The following DAAM1 variants were observed in gnomAD, a reference collection of about 807,000 sequenced individuals.
The protein encoded by DAAM1 is dishevelled associated activator of morphogenesis 1, also known as disheveled-associated activator of morphogenesis 1.
In DAAM1, 52 loss-of-function variants were observed where a neutral mutation model predicts 130.0. That is an observed-to-expected ratio of 0.40 (90% confidence interval 0.32 to 0.50). The LOEUF is 0.50. Among genes scored for constraint, DAAM1 ranks in the 20% least tolerant of loss-of-function variants. The pLI is 0.61. For missense variants in DAAM1, 1,134 were observed against 1,303.8 expected, an observed-to-expected ratio of 0.87 and a Z score of 2.01; for synonymous variants, 452 against 444.5, an observed-to-expected ratio of 1.02 and a Z score of -0.21.
At chr14:59,360,888 A>T in intron 22 of DAAM1, 26 bp downstream of exon 22, 2 of 1,609,640 alleles carry the variant, frequency 1.2e-6, no homozygotes, top group Non-Finnish European at 1.7e-6. Context: ...TTGTTGTTCT[A>T]ATTCCTGGTC....
chr14:59,198,406 A>C (rs531853983), intron 1 of DAAM1, among the ~76,000 whole-genome samples: 1 of 151,934 alleles, frequency 6.6e-6, no homozygotes, highest in Non-Finnish European at 1.5e-5. Flanking sequence ...GGGTTTCAAC[A>C]TATTGGTCAG....
chr14:59,201,160 CAAA>C (rs71111617), intron 1 of DAAM1, among the ~76,000 whole-genome samples: 7 of 68,844 alleles, frequency 1.0e-4, no homozygotes, highest in Non-Finnish European at 1.6e-4. Flanking sequence ...GACTCCGTCT[CAAA>C]AAAAAAAAAA....
At chr14:59,319,421 A>T (rs1884917244) in intron 4 of DAAM1, among the ~76,000 whole-genome samples, 1 of 152,210 alleles carries the variant, frequency 6.6e-6, no homozygotes, top group Non-Finnish European at 1.5e-5. Context: ...TTGATGAGTT[A>T]TGGTCCTGAA....
rs1594842739 is a variant in DAAM1, at chr14:59,350,316, T to C, written c.2161-2210T>C. 2.6e-5 allele frequency among the ~76,000 whole-genome samples: 4 copies of C among 152,024 alleles called. No homozygotes were observed. The East Asian group carries it at 7.7e-4, about 29-fold the overall frequency. On this transcript the variant is annotated intron_variant, in intron 17 of 24. Transcript: ENST00000360909. ...CTTCTCTATATCTGCAACCTCGCCC[T>C]CTCTACTCTTAGCTCATTCAAGTGT...
At chr14:59,343,397 T>C (rs1379309053) in intron 16 of DAAM1, among the ~76,000 whole-genome samples, 1 of 152,182 alleles carries the variant, frequency 6.6e-6, no homozygotes, top group Non-Finnish European at 1.5e-5. Context: ...ATTTTATGCT[T>C]GGGGACAATG....
intron 1 of DAAM1, among the ~76,000 whole-genome samples, chr14:59,195,582 C>T (rs1338885009): frequency 6.6e-6 from 1 of 152,152 alleles, no homozygotes; most frequent in Non-Finnish European, 1.5e-5. Context: ...ACCTATTAAA[C>T]TGGTCTTTGT....
At chr14:59,209,410 G>A (rs997272189) in intron 1 of DAAM1, among the ~76,000 whole-genome samples, 7 of 152,108 alleles carry the variant, frequency 4.6e-5, no homozygotes, top group African/African-American at 7.2e-5. Flanking sequence ...CAAAAGGTGC[G>A]TAATTTTCGT....
rs1335005196 is a variant in DAAM1 at position 59,331,838 on chromosome 14, C to T, written c.1886C>T (p.Thr629Ile). The T allele has an allele frequency of 6.2e-7, 1 of 1,613,880 alleles. No homozygotes were observed. Among genetic ancestry groups the T allele is most frequent in the Non-Finnish European group, 8.5e-7 (1 of 1,179,984 alleles). The change falls in exon 15 of 25, where the codon ACC becomes ATC. Residue 629 changes from threonine to isoleucine, a missense_variant. Around this residue, in one of 3 missense-constraint regions of DAAM1, gnomAD observed 644 missense variants for 695.9 expected, o/e 0.93. Transcript: ENST00000360909. ...PENKLEGTVW[T>I]EIDDTKVFKI... ...AACAAACTGGAAGGAACAGTATGGA[C>T]CGAAATTGATGATACAAAAGTCTTC... is the stretch of plus-strand genomic sequence containing the variant.
chr14:59,202,092 T>C lies in DAAM1; in HGVS notation c.-38+13324T>C, dbSNP rs569346291. 5.3e-5 allele frequency among the ~76,000 whole-genome samples: 8 copies of C among 152,314 alleles called. No individual in the cohort carries two copies. The South Asian group carries it at 1.7e-3, about 32-fold the overall frequency. On this transcript the variant is annotated intron_variant, in intron 1 of 24. Coordinates refer to ENST00000360909, the MANE Select transcript of DAAM1 (RefSeq NM_001270520.2). Reference sequence around the variant, plus strand: ...ACCATGAGCATCCTTGAGATAAAAATTCAGCGGGAGAGTAGTAGTAAATGC... The same window carrying C: ...ACCATGAGCATCCTTGAGATAAAAACTCAGCGGGAGAGTAGTAGTAAATGC...
chr14:59,345,191 C>T (rs1305763654), intron 16 of DAAM1, among the ~76,000 whole-genome samples: 2 of 152,148 alleles, frequency 1.3e-5, no homozygotes, highest in East Asian at 3.9e-4. Context: ...ATACTTTACC[C>T]ATGCCAACTT....
intron 1 of DAAM1, among the ~76,000 whole-genome samples, chr14:59,263,222 C>T (rs1882259817): frequency 1.3e-5 from 2 of 152,154 alleles, no homozygotes; most frequent in African/African-American, 2.4e-5. Flanking sequence ...GTCCTGTTTG[C>T]TCAGCAGTTA....
chr14:59,258,809 A>G (rs1479473748), intron 1 of DAAM1, among the ~76,000 whole-genome samples: 1 of 152,196 alleles, frequency 6.6e-6, no homozygotes, highest in African/African-American at 2.4e-5. Context: ...GGATCCATGG[A>G]GGAGCCAGCA....
intron 1 of DAAM1, among the ~76,000 whole-genome samples, chr14:59,214,389 C>G (rs1367751928): frequency 6.6e-6 from 1 of 152,244 alleles, no homozygotes; most frequent in East Asian, 1.9e-4. Flanking sequence ...TTCTTCCTTG[C>G]TCTCCTCAGG....
At chr14:59,337,514 C>T (rs1566711300) in intron 15 of DAAM1, among the ~76,000 whole-genome samples, 1 of 152,154 alleles carries the variant, frequency 6.6e-6, no homozygotes. Flanking sequence ...AGCTGTTGGC[C>T]CGAAAACTGG....
At chr14:59,247,914 C>T (rs1411279663) in intron 1 of DAAM1, among the ~76,000 whole-genome samples, 4 of 152,098 alleles carry the variant, frequency 2.6e-5, no homozygotes, top group Non-Finnish European at 5.9e-5. Context: ...ATTGTTACTC[C>T]TTTAACATAC....
In DAAM1 at chr14:59,229,925, C is replaced by T. The variant is rs151237363; in HGVS notation, c.-37-33516C>T. Among the ~76,000 whole-genome samples, 124 of 152,308 alleles carry T rather than the reference C, an allele frequency of 8.1e-4. 1 individual carries two copies. The highest frequency in any genetic ancestry group is 2.7e-3 in the African/African-American group (113 of 41,556). On this transcript the variant is annotated intron_variant, in intron 1 of 24. Transcript: ENST00000360909. ...AATGCCAAATAAGCTTCTCCCACCA[C>T]CACCCATCTTAATAGTAGAATGTTT...
chr14:59,299,576 T>C (rs531132740), intron 3 of DAAM1: 3 of 152,176 alleles, frequency 2.0e-5, no homozygotes, highest in Non-Finnish European at 4.4e-5. Flanking sequence ...TGATGTCTGG[T>C]TTTCTCAGAA....
chr14:59,192,588 G>A (rs1887765848), intron 1 of DAAM1, among the ~76,000 whole-genome samples: 1 of 152,168 alleles, frequency 6.6e-6, no homozygotes, highest in Non-Finnish European at 1.5e-5. Flanking sequence ...TCTCTCTAGA[G>A]GGGACACCAG....
chr14:59,322,893 T>C lies in DAAM1; in HGVS notation c.442T>C (p.Phe148Leu). 1 of 1,607,022 alleles carries C rather than the reference T, an allele frequency of 6.2e-7. No individual in the cohort carries two copies. The highest frequency in any genetic ancestry group is 1.1e-5 in the South Asian group (1 of 90,116). The change falls in exon 6 of 25, where the codon TTT becomes CTT. Residue 148 changes from phenylalanine (F) to leucine (L), a missense_variant and splice_region_variant. Phe to Leu is a conservative substitution (Grantham distance 22). This residue lies in a region of DAAM1 where 391 missense variants were observed against 521.6 expected (regional missense o/e 0.75). Transcript: ENST00000360909. The stretch of plus-strand genomic sequence containing the variant: ...ATGGTGCATTTCTCTTCATGACAGG[T>C]TTGTAACCAGATTCATCGACTTGGA... Reference protein sequence around the residue: ...KTALRTKPMRFVTRFIDLDGL... With the variant: ...KTALRTKPMRLVTRFIDLDGL...
Sources: allele counts gnomAD v4.1 joint callset (sites outside exome capture counted in the v4.1 genomes callset), GRCh38; gene constraint gnomAD v4.1.1; regional missense constraint gnomAD v4.1.1; transcripts MANE v1.5; gene names NCBI Gene and HGNC (gene_info 2026-07-23, HGNC 2026-07-21).